Variants in ODF2 observed in about 807,000 individuals in gnomAD.
ODF2 encodes the protein outer dense fiber protein 2.
A neutral mutation model predicts 110.2 loss-of-function variants in ODF2; 47 were observed. The ratio of observed to expected loss-of-function variants is 0.43; its 90% confidence interval spans 0.34 to 0.54. ODF2 has a LOEUF of 0.54. Ranked by LOEUF, ODF2 falls within the 20% of genes least tolerant of loss-of-function variation. The pLI, the probability that ODF2 is intolerant of heterozygous loss-of-function variation, is 0.03. For synonymous variants in ODF2, 352 were observed against 397.7 expected (o/e 0.89, Z 1.37); for missense variants, 812 against 1,054.5 (o/e 0.77, Z 3.19).
chr9:128,483,880 C>T (rs1422188109), intron 10 of ODF2, 58 bp from the exon 11 acceptor site: 23 of 1,201,498 alleles, frequency 1.9e-5, no homozygotes, highest in East Asian at 7.0e-5. Context: ...AGCAAGACTC[C>T]GTATGAAAAA....
At chr9:128,457,945 T>TA (rs67619179) in intron 2 of ODF2, among the ~76,000 whole-genome samples, 3,916 of 57,988 alleles carry the variant, frequency 0.068, 124 homozygotes, top group African/African-American at 0.21. Context: ...ATATATATAT[T>TA]TTTTTTTTTT....
At chr9:128,458,461 C>CAAA (rs55782363) in intron 2 of ODF2, among the ~76,000 whole-genome samples, 4 of 72,862 alleles carry the variant, frequency 5.5e-5, no homozygotes, top group Non-Finnish European at 8.7e-5. Flanking sequence ...GACTCTATCT[C>CAAA]AAAAAAAAAA....
chr9:128,470,259 G>T (rs1166274857), intron 5 of ODF2, among the ~76,000 whole-genome samples: 1 of 150,776 alleles, frequency 6.6e-6, no homozygotes, highest in Non-Finnish European at 1.5e-5. Context: ...CTGCTAACAC[G>T]ACCTGTGTCT....
intron 14 of ODF2, among the ~76,000 whole-genome samples, chr9:128,491,206 G>A (rs1282342472): frequency 1.3e-5 from 2 of 151,510 alleles, no homozygotes; most frequent in Non-Finnish European, 2.9e-5. Context: ...CAGCACGTCC[G>A]GCTGATTTTT....
At chr9:128,466,624 A>T (rs1035382060) in intron 4 of ODF2, among the ~76,000 whole-genome samples, 2 of 149,726 alleles carry the variant, frequency 1.3e-5, no homozygotes, top group Non-Finnish European at 3.0e-5. Flanking sequence ...CATCACAAGG[A>T]GTAAGTAGTC....
exon 3 of ODF2, chr9:128,459,649 A>G: frequency 6.2e-7 from 1 of 1,613,134 alleles, no homozygotes; most frequent in South Asian, 1.1e-5. Context: ...ACCCAGTGTA[A>G]CTGTGACGGT....
chr9:128,467,393 T>G (rs1158713685), intron 4 of ODF2, among the ~76,000 whole-genome samples: 1 of 152,108 alleles, frequency 6.6e-6, no homozygotes, highest in African/African-American at 2.4e-5. Flanking sequence ...CATGACTGTT[T>G]ATACATTTTC....
rs907972427 is a variant in ODF2 at position 128,456,838 on chromosome 9, G to C, written c.-208-360G>C. On this transcript the variant is annotated intron_variant, in intron 1 of 20. Transcript: ENST00000604420. ...CTGTTCGGTTTTCCCTCGCGGCGGG[G>C]CGCCCGGGGCCCGTGCAACCTCCGC... The C allele has an allele frequency of 2.3e-6, 3 of 1,312,484 alleles. No homozygotes were observed. The Admixed American group carries it at 1.1e-4, about 49-fold the overall frequency. 81.3% of individuals were successfully genotyped at this position (1,312,484 alleles called of 1,614,324 possible). A position where few individuals can be genotyped will look rare whatever the true frequency, so the allele number is the denominator to read the frequency against.
chr9:128,492,904 T>C, intron 16 of ODF2, 99 bp downstream of exon 16: 3 of 1,009,744 alleles, frequency 3.0e-6, no homozygotes, highest in Non-Finnish European at 3.0e-6. Flanking sequence ...CCCTACCTGA[T>C]TTGGGCAACA....
At chr9:128,462,681 G>A (rs970478838) in intron 4 of ODF2, among the ~76,000 whole-genome samples, 3 of 151,242 alleles carry the variant, frequency 2.0e-5, no homozygotes, top group Non-Finnish European at 4.4e-5. Context: ...CCCACTGCAA[G>A]CTCCGCCTCC....
chr9:128,478,523 G>A (rs1196874743), intron 8 of ODF2, among the ~76,000 whole-genome samples: 1 of 151,620 alleles, frequency 6.6e-6, no homozygotes, highest in Non-Finnish European at 1.5e-5. Flanking sequence ...GCTTGAACCC[G>A]GGAGGCAGAG....
Position 128,500,075 on chromosome 9 carries a change from C to T in ODF2, c.2310C>T (p.Arg770=), listed in dbSNP as rs542069980. 2.5e-5 allele frequency: 40 copies of T among 1,614,270 alleles called. 1 individual carries two copies. In the East Asian group the frequency reaches 5.8e-4, roughly 23 times the overall value. ...CTGTTTCTCCTCGTTAGGCGGACCGCCGCTACCAGAGCCGGCTGCAAGACC... is the reference window on the plus strand; with the variant it reads ...CTGTTTCTCCTCGTTAGGCGGACCGTCGCTACCAGAGCCGGCTGCAAGACC... Residue 770 remains arginine, a synonymous_variant, in exon 21 of 21, where the codon CGC becomes CGT. Coordinates refer to ENST00000604420, the Ensembl canonical transcript of ODF2.
chr9:128,471,242 G>A, intron 5 of ODF2, 66 bp from the exon 6 acceptor site: 3 of 1,499,656 alleles, frequency 2.0e-6, no homozygotes, highest in Non-Finnish European at 2.7e-6. Context: ...AAAGCATTGA[G>A]CCTAGCAATG....
intron 14 of ODF2, among the ~76,000 whole-genome samples, chr9:128,491,743 A>G (rs917209014): frequency 3.9e-5 from 6 of 152,298 alleles, no homozygotes; most frequent in Non-Finnish European, 8.8e-5. Context: ...GTTACATAGC[A>G]GTAAGTATAG....
intron 14 of ODF2, among the ~76,000 whole-genome samples, chr9:128,490,009 T>C (rs1335132518): frequency 3.9e-5 from 6 of 152,170 alleles, no homozygotes; most frequent in African/African-American, 1.2e-4. Flanking sequence ...ATTTGTATAG[T>C]GTAATTGTCG....
At chr9:128,479,983 G>T (rs1011200957) in intron 8 of ODF2, among the ~76,000 whole-genome samples, 4 of 152,170 alleles carry the variant, frequency 2.6e-5, no homozygotes, top group African/African-American at 7.2e-5. Flanking sequence ...TTAGCCAGGT[G>T]TGGTGGCACA....
At chr9:128,473,819 G>C in intron 8 of ODF2, 78 bp downstream of exon 8, 2 of 1,418,684 alleles carry the variant, frequency 1.4e-6, no homozygotes, top group Non-Finnish European at 2.0e-6. Context: ...TCTGTAAAAA[G>C]AAAATAAGAT....
At position 128,498,573 on chromosome 9, in the gene ODF2, C is replaced by T. The variant is rs773288478; in HGVS notation, c.2173C>T (p.Gln725Ter). 3 of 1,527,986 alleles carry T rather than the reference C, an allele frequency of 2.0e-6. No homozygotes were observed. The South Asian group carries it at 3.5e-5, about 18-fold the overall frequency. 94.7% of individuals were successfully genotyped at this position (1,527,986 alleles called of 1,614,324 possible). ...GAGTGCCATTGAAGATGCGAGGAGGCAGGTCAGTCCCGATTTCATGAATGA... is the reference window on the plus strand; with the variant it reads ...GAGTGCCATTGAAGATGCGAGGAGGTAGGTCAGTCCCGATTTCATGAATGA... Residue 725 changes from glutamine to a stop codon, truncating the protein, a stop_gained and splice_region_variant, in exon 19 of 21, where the codon CAG becomes TAG. Transcript: ENST00000604420. LOFTEE classifies it high-confidence loss of function.
chr9:128,488,256 G>A (rs2132123994), intron 14 of ODF2, among the ~76,000 whole-genome samples: 1 of 152,012 alleles, frequency 6.6e-6, no homozygotes, highest in South Asian at 2.1e-4. Flanking sequence ...AAAATCCTGT[G>A]TCTGCAAAAC....
Sources: gnomAD v4.1 joint callset for allele counts (sites outside exome capture counted in the v4.1 genomes callset) on GRCh38, gnomAD v4.1.1 for gene constraint, MANE v1.5 for transcripts, NCBI Gene and HGNC (gene_info 2026-07-23, HGNC 2026-07-21) for gene names.